Variants in TCEA1 observed in about 807,000 individuals in gnomAD.
TCEA1 encodes the protein transcription elongation factor A protein 1.
A neutral mutation model predicts 43.8 loss-of-function variants in TCEA1; 21 were observed. That is an observed-to-expected ratio of 0.48 (90% CI 0.34 to 0.69). The LOEUF is 0.69. Ranked by LOEUF, TCEA1 falls within the 30% of genes least tolerant of loss-of-function variation. The probability of loss-of-function intolerance (pLI) is 0.01; values close to 1 mark genes in which losing one functional copy is unlikely to be tolerated. For missense variants in TCEA1, 250 were observed against 365.1 expected, an observed-to-expected ratio of 0.68 and a Z score of 2.57; for synonymous variants, 104 against 117.5, an observed-to-expected ratio of 0.88 and a Z score of 0.75.
intron 2 of TCEA1, among the ~76,000 whole-genome samples, chr8:54,004,435 T>A (rs908100627): frequency 5.3e-5 from 8 of 152,174 alleles, no homozygotes; most frequent in African/African-American, 1.2e-4. Flanking sequence ...TGAATATTAT[T>A]CAGCCATAAA....
intron 3 of TCEA1, among the ~76,000 whole-genome samples, chr8:53,998,804 T>C (rs1444730412): frequency 2.0e-5 from 3 of 152,070 alleles, no homozygotes; most frequent in African/African-American, 7.2e-5. Flanking sequence ...AGTAAACAGG[T>C]TGGTCTTCAA....
chr8:54,001,766 G>A (rs1486247611), intron 2 of TCEA1, among the ~76,000 whole-genome samples: 6 of 152,018 alleles, frequency 3.9e-5, no homozygotes, highest in South Asian at 2.1e-4. Flanking sequence ...TGATTATCCC[G>A]CTTAGCCTCA....
intron 4 of TCEA1, among the ~76,000 whole-genome samples, chr8:53,993,001 G>A (rs1586012089): frequency 6.7e-6 from 1 of 150,086 alleles, no homozygotes; most frequent in East Asian, 1.9e-4. Flanking sequence ...TGCTCAGGCT[G>A]GAGTGCAGTG....
chr8:53,973,503 G>A (rs1803230865), intron 8 of TCEA1: 1 of 505,064 alleles, frequency 2.0e-6, no homozygotes, highest in South Asian at 1.7e-5. Context: ...AGAAAAAAGT[G>A]AACAAAATCT....
chr8:53,974,351 AAT>A (rs1803260012), intron 8 of TCEA1: 1 of 152,186 alleles, frequency 6.6e-6, no homozygotes, highest in African/African-American at 2.4e-5. Context: ...TTTCTTCATA[AAT>A]AGTTGTTCTT....
intron 1 of TCEA1, among the ~76,000 whole-genome samples, chr8:54,014,756 A>C (rs539740138): frequency 6.6e-5 from 10 of 152,232 alleles, no homozygotes; most frequent in Non-Finnish European, 1.2e-4. Flanking sequence ...AGTAATAGGG[A>C]TTTATAGTTA....
At chr8:53,969,394 G>C (rs1803089329) in intron 9 of TCEA1, among the ~76,000 whole-genome samples, 1 of 152,100 alleles carries the variant, frequency 6.6e-6, no homozygotes, top group South Asian at 2.1e-4. Flanking sequence ...TGGGACTCTG[G>C]CCCAAATGGC....
Position 54,022,293 on chromosome 8 carries a change from C to T in TCEA1, c.-168G>A, listed in dbSNP as rs1805075430. Reference sequence around the variant, plus strand: ...ACGAAGCCCGCGGCGGCGGCGGCGGCGGCGGCGGCTCCGGCTCCTCCTCCC... The same window carrying T: ...ACGAAGCCCGCGGCGGCGGCGGCGGTGGCGGCGGCTCCGGCTCCTCCTCCC... On this transcript the variant is annotated 5_prime_UTR_variant, in exon 1 of 10. Transcript: ENST00000521604. 2.5e-6 allele frequency: 2 copies of T among 812,146 alleles called. No homozygotes were observed. The highest frequency in any genetic ancestry group is 3.0e-5 in the East Asian group (1 of 32,832). 50.3% of individuals were successfully genotyped at this position (812,146 alleles called of 1,614,324 possible).
intron 8 of TCEA1, chr8:53,974,207 A>G (rs71517548): frequency 0.014 from 2,140 of 155,520 alleles, 30 homozygotes; most frequent in Middle Eastern, 0.051. Flanking sequence ...AAAAAGTCAA[A>G]TAACTGGATG....
intron 1 of TCEA1, among the ~76,000 whole-genome samples, chr8:54,013,491 C>A (rs1341010017): frequency 6.6e-6 from 1 of 151,676 alleles, no homozygotes; most frequent in Non-Finnish European, 1.5e-5. Flanking sequence ...CCAGCCTGGC[C>A]AACATGGTGA....
intron 8 of TCEA1, chr8:53,972,675 T>G: frequency 1.6e-6 from 1 of 629,888 alleles, no homozygotes. Flanking sequence ...AGTAGAGCTA[T>G]TAAGTGTTCC....
At chr8:54,017,908 G>A (rs1019972054) in intron 1 of TCEA1, among the ~76,000 whole-genome samples, 1 of 152,120 alleles carries the variant, frequency 6.6e-6, no homozygotes, top group South Asian at 2.1e-4. Context: ...TGACATGACT[G>A]CATGAGTTAT....
chr8:53,975,942 GA>G (rs1449675618), intron 8 of TCEA1, among the ~76,000 whole-genome samples: 1 of 151,686 alleles, frequency 6.6e-6, no homozygotes, highest in Non-Finnish European at 1.5e-5. Flanking sequence ...AACTCAGCAA[GA>G]AAAAAAGCTA....
intron 7 of TCEA1, 43 bp from the exon 8 acceptor site, chr8:53,979,214 T>C (rs1267479590): frequency 6.4e-7 from 1 of 1,570,460 alleles, no homozygotes; most frequent in East Asian, 2.3e-5. Flanking sequence ...AGACACCTTC[T>C]ATATATATCC....
Position 53,993,673 on chromosome 8 carries a change from T to G in TCEA1, c.315A>C (p.Glu105Asp). 6.2e-7 allele frequency: 1 copy of G among 1,611,612 alleles called. No homozygotes were observed. Among genetic ancestry groups the G allele is most frequent in the Non-Finnish European group, 8.5e-7 (1 of 1,178,900 alleles). Residue 105 changes from glutamate to aspartate, a missense_variant, in exon 4 of 10, where the codon GAA becomes GAC. Physicochemically the swap from Glu to Asp is conservative, Grantham distance 45. Coordinates refer to ENST00000521604, the MANE Select transcript of TCEA1 (RefSeq NM_006756.4). ...ATGTCTATACTGTGAAGTACCTTTC[T>G]TCTCTTGCCTCAGGGCTGTTCTGCG... ...ITSQNSPEAR[E>D]ESTSSGNVSN...
chr8:53,991,788 C>T (rs567588530), intron 4 of TCEA1, among the ~76,000 whole-genome samples: 2 of 151,546 alleles, frequency 1.3e-5, no homozygotes, highest in South Asian at 2.1e-4. Context: ...ACGGATATAA[C>T]GTTAGAAAAA....
At position 53,983,258 on chromosome 8, in the gene TCEA1, A is replaced by G. The variant is rs115513346; in HGVS notation, c.678+1105T>C. ...ATTATAGTATAAGCATAACTTTTAT[A>G]TGTACTGGAAAGTCAAAAAATTTGT... On this transcript the variant is annotated intron_variant, in intron 7 of 9. Transcript: ENST00000521604. Among the ~76,000 whole-genome samples, 623 of 152,206 alleles carry G rather than the reference A, an allele frequency of 4.1e-3. 4 individuals carry two copies. The highest frequency in any genetic ancestry group is 0.014 in the African/African-American group (594 of 41,446).
intron 1 of TCEA1, 50 bp downstream of exon 1, chr8:54,022,013 C>A (rs767474040): frequency 3.9e-6 from 6 of 1,541,596 alleles, no homozygotes; most frequent in Middle Eastern, 2.3e-4. Flanking sequence ...CCCCTCGGGC[C>A]GGACCGCGGC....
At chr8:54,014,136 G>A (rs1219477115) in intron 1 of TCEA1, among the ~76,000 whole-genome samples, 1 of 152,144 alleles carries the variant, frequency 6.6e-6, no homozygotes, top group Non-Finnish European at 1.5e-5. Flanking sequence ...GAAAAGAAAA[G>A]TGACTTGCCC....
Sources: allele counts gnomAD v4.1 joint callset (sites outside exome capture counted in the v4.1 genomes callset), GRCh38; gene constraint gnomAD v4.1.1; transcripts MANE v1.5; gene names NCBI Gene and HGNC (gene_info 2026-07-23, HGNC 2026-07-21).